CYP2W1: variants seen among roughly 807,000 people sequenced by gnomAD.
The protein encoded by CYP2W1 is cytochrome P450 family 2 subfamily W member 1, also known as cytochrome P450 2W1.
Under a neutral mutation model 44.9 loss-of-function variants are expected in CYP2W1, and 51 were observed. The observed-to-expected ratio is 1.14, with a 90% CI of 0.91 to 1.43. The LOEUF is 1.43. Ranked by LOEUF, CYP2W1 falls within the 40% of genes most tolerant of loss-of-function variation. CYP2W1 has a pLI of 0.00. For missense variants in CYP2W1, 746 were observed against 700.0 expected (o/e 1.07, Z -0.74); for synonymous variants, 383 against 338.3 (o/e 1.13, Z -1.45).
At position 988,838 on chromosome 7, in the gene CYP2W1, C is replaced by T. The variant is rs1275672348; in HGVS notation, c.*16C>T. On this transcript the variant is annotated 3_prime_UTR_variant, in exon 9 of 9. Transcript: ENST00000308919. ...CAGGCCCTAGGAGCTCCCCCAGCCC[C>T]CAGGTCCTCCTGACCACTCCCCTCC... 3 of 1,486,322 alleles carry T rather than the reference C, an allele frequency of 2.0e-6. No homozygotes were observed. Among genetic ancestry groups the T allele is most frequent in the Non-Finnish European group, 2.7e-6 (3 of 1,104,186 alleles). 92.1% of individuals were successfully genotyped at this position (1,486,322 alleles called of 1,614,324 possible). A position where few individuals can be genotyped will look rare whatever the true frequency, so the allele number is the denominator to read the frequency against.
intron 1 of CYP2W1, 57 bp from the exon 2 acceptor site, chr7:984,355 C>T (rs1262684798): frequency 1.4e-6 from 2 of 1,468,550 alleles, no homozygotes; most frequent in African/African-American, 4.8e-5. Context: ...CCTGAGGGGA[C>T]CTAAGGGGGG....
At position 988,873 on chromosome 7, in the gene CYP2W1, G is replaced by T; in HGVS notation, c.*51G>T. ...CTGACCACTCCCCTCCCAGCCCTGG[G>T]TCCTCCCACCCTCTCTCCTCCCACC... On this transcript the variant is annotated 3_prime_UTR_variant, in exon 9 of 9. Transcript: ENST00000308919. 2 of 1,206,064 alleles carry T rather than the reference G, an allele frequency of 1.7e-6. No individual in the cohort carries two copies. The allele number at this position is 1,206,064 out of a possible 1,614,324, so 74.7% of individuals were successfully genotyped here.
rs772134346 is a variant in CYP2W1 at position 984,597 on chromosome 7, G to A, written c.337+23G>A. 4.0e-5 allele frequency: 62 copies of A among 1,549,414 alleles called. 1 individual carries two copies. Among genetic ancestry groups the A allele is most frequent in the Non-Finnish European group, 5.1e-5 (59 of 1,152,800 alleles). On this transcript the variant is annotated intron_variant, in intron 2 of 8. Coordinates refer to ENST00000308919, the MANE Select transcript of CYP2W1 (RefSeq NM_017781.3). ...GAGGTCGGTGTGTGGCCGGCGCTAC[G>A]GGGCCTACTGGGTGTGGGGGCACCT...
At chr7:984,892 C>G in intron 2 of CYP2W1, 58 bp from the exon 3 acceptor site, 1 of 1,527,836 alleles carries the variant, frequency 6.5e-7, no homozygotes, top group Non-Finnish European at 8.7e-7. Context: ...GCCCACTTGC[C>G]TGGCGGGGCT....
chr7:984,297 C>A (rs1848151626), intron 1 of CYP2W1, 115 bp from the exon 2 acceptor site: 3 of 1,371,000 alleles, frequency 2.2e-6, no homozygotes, highest in Non-Finnish European at 2.9e-6. Flanking sequence ...CCCCCTCCAC[C>A]TGCCCCCATT....
intron 8 of CYP2W1, 50 bp downstream of exon 8, chr7:988,468 G>T: frequency 2.5e-6 from 4 of 1,608,140 alleles, no homozygotes; most frequent in Non-Finnish European, 3.4e-6. Flanking sequence ...GGGCTCCAGG[G>T]GTGGGACGGC....
rs533266320 is a variant in CYP2W1 at position 987,938 on chromosome 7, G to GC, written c.1144-339_1144-338insC. ...TGGGGATCCCCTGTGTGTCCTGGGG[G>GC]GGTCCCCTGTGTGTCCTGGGGGTCC... On this transcript the variant is annotated intron_variant, in intron 7 of 8. Coordinates refer to ENST00000308919, the MANE Select transcript of CYP2W1 (RefSeq NM_017781.3). 1.4e-3 allele frequency among the ~76,000 whole-genome samples: 200 copies of GC among 147,784 alleles called. 2 individuals carry two copies. Among genetic ancestry groups the GC allele is most frequent in the African/African-American group, 4.9e-3 (193 of 39,100 alleles).
Position 989,273 on chromosome 7 carries a change from T to G in CYP2W1, c.*451T>G. On this transcript the variant is annotated 3_prime_UTR_variant, in exon 9 of 9. Transcript: ENST00000308919. ...TGGGACTCCTGCAGACCCCACTCCA[T>G]TCCCGCTCCTGGAACACTTCCTGCA... The G allele has an allele frequency of 1.4e-4, 24 of 169,664 alleles. No individual in the cohort carries two copies. The highest frequency in any genetic ancestry group is 2.1e-4 in the Non-Finnish European group (17 of 79,308). 10.5% of individuals were successfully genotyped at this position (169,664 alleles called of 1,614,324 possible).
At chr7:984,602 C>T (rs370387134) in intron 2 of CYP2W1, 28 bp downstream of exon 2, 32 of 1,548,300 alleles carry the variant, frequency 2.1e-5, no homozygotes, top group African/African-American at 9.5e-5. Flanking sequence ...GCTACGGGGC[C>T]TACTGGGTGT....
intron 5 of CYP2W1, 103 bp from the exon 6 acceptor site, chr7:987,004 A>C: frequency 7.2e-7 from 1 of 1,395,730 alleles, no homozygotes; most frequent in East Asian, 2.6e-5. Flanking sequence ...GGCTGAGCCC[A>C]GATCACCGGG....
intron 5 of CYP2W1, 60 bp from the exon 6 acceptor site, chr7:987,047 T>C: frequency 7.0e-7 from 1 of 1,437,176 alleles, no homozygotes; most frequent in Non-Finnish European, 9.1e-7. Context: ...CTGGGCTGGG[T>C]CTGTGGGGTG....
chr7:987,484 C>T lies in CYP2W1; in HGVS notation c.1096C>T (p.Arg366Cys), dbSNP rs753528839. The T allele has an allele frequency of 1.1e-5, 17 of 1,551,430 alleles. No individual in the cohort carries two copies. The highest frequency in any genetic ancestry group is 4.8e-5 in the East Asian group (2 of 41,810). Residue 366 changes from arginine to cysteine, a missense_variant, in exon 7 of 9, where the codon CGC becomes TGC. Arg to Cys is a radical substitution (Grantham distance 180). Coordinates refer to ENST00000308919, the MANE Select transcript of CYP2W1 (RefSeq NM_017781.3). ...CATCACGCTCCTGCCGCACGTGCCC[C>T]GCTGCACCGCGGCCGACACACAGCT... ...RFITLLPHVP[R>C]CTAADTQLGG...
rs762835244 is a variant in CYP2W1 at position 986,758 on chromosome 7, C to G, written c.780C>G (p.Pro260=). ...ARRPHVCPGD[P]VCSYVDALIQ... is the part of the protein sequence containing the mutation. ...GGCCCCACGTGTGCCCGGGGGACCC[C>G]GTGTGCAGCTATGTGGACGCCCTGA... The change falls in exon 5 of 9, where the codon CCC becomes CCG. Residue 260 remains proline (P), a synonymous_variant. Transcript: ENST00000308919. 16 of 1,602,922 alleles carry G rather than the reference C, an allele frequency of 1.0e-5. No individual in the cohort carries two copies. The highest frequency in any genetic ancestry group is 1.4e-5 in the Non-Finnish European group (16 of 1,174,782).
rs746730980 is a variant in CYP2W1, at chr7:988,628, C to G, written c.1286-7C>G. On this transcript the variant is annotated splice_polypyrimidine_tract_variant and splice_region_variant and intron_variant, in intron 8 of 8. Transcript: ENST00000308919. ...CAGCCCACTCTGTGCCTGGACATCC[C>G]CCGCAGGCCGCCGCGTCTGTGTTGG... 2.5e-5 allele frequency: 40 copies of G among 1,603,348 alleles called. No individual in the cohort carries two copies. Among genetic ancestry groups the G allele is most frequent in the Non-Finnish European group, 3.2e-5 (38 of 1,179,176 alleles).
chr7:988,104 T>C (rs1308450263), intron 7 of CYP2W1, among the ~76,000 whole-genome samples, 173 bp from the exon 8 acceptor site: 1 of 152,090 alleles, frequency 6.6e-6, no homozygotes, highest in East Asian at 1.9e-4. Flanking sequence ...CCCCTGGCTG[T>C]GTGCCCTGGG....
chr7:988,353 C>G lies in CYP2W1; in HGVS notation c.1220C>G (p.Pro407Arg), dbSNP rs748267412. The change falls in exon 8 of 9, where the codon CCC becomes CGC. Residue 407 changes from proline (P) to arginine (R), a missense_variant. Transcript: ENST00000308919. ...TQWQTPGQFN[P>R]GHFLDANGHF... The stretch of plus-strand genomic sequence containing the variant: ...TGGCAGACCCCAGGCCAGTTCAACC[C>G]CGGCCATTTCCTGGACGCGAATGGG... 7.4e-6 allele frequency: 12 copies of G among 1,612,650 alleles called. No individual in the cohort carries two copies. The highest frequency in any genetic ancestry group is 1.0e-5 in the Non-Finnish European group (12 of 1,179,806).
chr7:986,828 C>T lies in CYP2W1; in HGVS notation c.819+31C>T, dbSNP rs1316101604. The T allele has an allele frequency of 3.3e-6, 5 of 1,493,434 alleles. No individual in the cohort carries two copies. In the South Asian group the frequency reaches 6.7e-5, roughly 20 times the overall value. 92.5% of individuals were successfully genotyped at this position (1,493,434 alleles called of 1,614,324 possible). A position where few individuals can be genotyped will look rare whatever the true frequency, so the allele number is the denominator to read the frequency against. On this transcript the variant is annotated intron_variant, in intron 5 of 8. Transcript: ENST00000308919. ...TCGGGACCCAAGACCTCCTTGAAGG[C>T]CTGTAGGGGTCCTGAGGGACACCCC... is the stretch of plus-strand genomic sequence containing the variant.
At chr7:985,423 C>T (rs1848262072) in intron 4 of CYP2W1, 100 bp downstream of exon 4, 15 of 1,314,120 alleles carry the variant, frequency 1.1e-5, no homozygotes, top group Non-Finnish European at 1.2e-5. Flanking sequence ...CTCAGCTTCT[C>T]GGCCCTCCCA....
intron 6 of CYP2W1, 41 bp from the exon 7 acceptor site, chr7:987,306 G>C (rs1225730289): frequency 6.5e-7 from 1 of 1,530,224 alleles, no homozygotes; most frequent in African/African-American, 1.4e-5. Flanking sequence ...CCAGGGACGA[G>C]GGATGGCGCT....
Sources: allele counts gnomAD v4.1 joint callset (sites outside exome capture counted in the v4.1 genomes callset), GRCh38; gene constraint gnomAD v4.1.1; transcripts MANE v1.5; gene names NCBI Gene and HGNC (gene_info 2026-07-23, HGNC 2026-07-21).